Variants in CACNA1D observed in about 807,000 individuals in gnomAD.
CACNA1D encodes the protein voltage-dependent L-type calcium channel subunit alpha-1D.
Under a neutral mutation model 257.1 loss-of-function variants are expected in CACNA1D, and 55 were observed. The ratio of observed to expected loss-of-function variants is 0.21; its 90% CI spans 0.17 to 0.27. The LOEUF (loss-of-function observed/expected upper bound fraction) is 0.27. Ranked by LOEUF, CACNA1D falls within the 10% of genes least tolerant of loss-of-function variation. CACNA1D has a pLI of 1.00. For missense variants in CACNA1D, 1,876 were observed against 2,784.0 expected (o/e 0.67, Z 7.34); for synonymous variants, 980 against 1,014.9 (o/e 0.97, Z 0.65).
intron 3 of CACNA1D, among the ~76,000 whole-genome samples, chr3:53,565,990 T>C (rs1448369909): frequency 6.6e-6 from 1 of 152,182 alleles, no homozygotes; most frequent in African/African-American, 2.4e-5. Context: ...CTGTAGAAAG[T>C]ATTACTTATA....
intron 3 of CACNA1D, among the ~76,000 whole-genome samples, chr3:53,536,073 T>C (rs2092106890): frequency 6.6e-6 from 1 of 152,196 alleles, no homozygotes; most frequent in Non-Finnish European, 1.5e-5. Flanking sequence ...ATGTATATGG[T>C]TGGACCTAAG....
At chr3:53,499,763 A>G (rs2090511239) in intron 2 of CACNA1D, among the ~76,000 whole-genome samples, 1 of 152,224 alleles carries the variant, frequency 6.6e-6, no homozygotes, top group African/African-American at 2.4e-5. Context: ...TGGGAAATTG[A>G]AAATGAAGAA....
chr3:53,533,759 G>T (rs1053402284), intron 3 of CACNA1D, among the ~76,000 whole-genome samples: 9 of 152,172 alleles, frequency 5.9e-5, no homozygotes, highest in African/African-American at 1.7e-4. Flanking sequence ...TAGATTTTGG[G>T]CATAGTTACT....
intron 3 of CACNA1D, among the ~76,000 whole-genome samples, chr3:53,590,509 C>T (rs1345735600): frequency 6.6e-6 from 1 of 152,244 alleles, no homozygotes; most frequent in African/African-American, 2.4e-5. Flanking sequence ...ATTGCCTTGG[C>T]ATCCAAATGC....
chr3:53,747,244 C>T (rs574555057), intron 25 of CACNA1D, 58 bp from the exon 26 acceptor site: 52 of 1,525,294 alleles, frequency 3.4e-5, no homozygotes, highest in African/African-American at 1.9e-4. Flanking sequence ...TCCAACTTTA[C>T]GCTGCTTCCA....
At chr3:53,792,360 G>A (rs989780179) in intron 40 of CACNA1D, 3 of 152,188 alleles carry the variant, frequency 2.0e-5, no homozygotes, top group African/African-American at 7.2e-5. Context: ...CACCCAAAGT[G>A]GCCAGTTTGG....
rs2095225868 is a variant in CACNA1D, at chr3:53,751,510, A to C, written c.3517-239A>C. On this transcript the variant is annotated intron_variant, in intron 27 of 47. Coordinates refer to ENST00000350061, the MANE Select transcript of CACNA1D (RefSeq NM_001128840.3). This position sits in a 1 kb window ranked among gnomAD's most constrained non-coding sequence, Gnocchi z 4.3. ...TAAGCAAAATGGAAGCCACATGGGTAGGCACCCAGCTTACCCGGAGCTTGC... is the reference window on the plus strand; with the variant it reads ...TAAGCAAAATGGAAGCCACATGGGTCGGCACCCAGCTTACCCGGAGCTTGC... Among the ~76,000 whole-genome samples, 1 of 152,222 alleles carries C rather than the reference A, an allele frequency of 6.6e-6. No individual in the cohort carries two copies. Among genetic ancestry groups the C allele is most frequent in the Non-Finnish European group, 1.5e-5 (1 of 68,044 alleles).
At chr3:53,805,679 C>T (rs1007426829) in intron 45 of CACNA1D, among the ~76,000 whole-genome samples, 1 of 151,970 alleles carries the variant, frequency 6.6e-6, no homozygotes, top group African/African-American at 2.4e-5. Context: ...ATCCTCCTCC[C>T]TCATCTCTGC....
intron 47 of CACNA1D, chr3:53,810,590 T>C (rs2095592418): frequency 2.3e-6 from 1 of 435,070 alleles, no homozygotes; most frequent in South Asian, 2.1e-5. Flanking sequence ...AAACCCCGTC[T>C]CTACTAAAAA....
At chr3:53,555,460 GTTTTTTT>G (rs372133749) in intron 3 of CACNA1D, among the ~76,000 whole-genome samples, 2 of 78,380 alleles carry the variant, frequency 2.6e-5, no homozygotes, top group African/African-American at 5.6e-5. Context: ...GTGTGTGTGT[GTTTTTTT>G]TTTTTTTTTT....
chr3:53,510,155 A>G (rs2091047838), intron 3 of CACNA1D, among the ~76,000 whole-genome samples: 2 of 152,270 alleles, frequency 1.3e-5, no homozygotes, highest in African/African-American at 4.8e-5. Flanking sequence ...CAATACAGAT[A>G]AAGTAACAAA....
At chr3:53,735,099 A>G (rs2095044595) in intron 19 of CACNA1D, among the ~76,000 whole-genome samples, 1 of 152,238 alleles carries the variant, frequency 6.6e-6, no homozygotes, top group Non-Finnish European at 1.5e-5. Flanking sequence ...ATCTTGAGGA[A>G]GACAACAAGC....
In CACNA1D at chr3:53,566,637, G is replaced by A. The variant is rs115768138; in HGVS notation, c.483+64917G>A. ...GTTTCTTCCACACATGTGCCACAGC[G>A]TGGCACATGGGAGCCGCTTGAGAGC... On this transcript the variant is annotated intron_variant, in intron 3 of 47. Transcript: ENST00000350061. Among the ~76,000 whole-genome samples the A allele has an allele frequency of 5.3e-3, 803 of 152,214 alleles. 4 individuals are homozygous for A. Among genetic ancestry groups the A allele is most frequent in the African/African-American group, 0.017 (705 of 41,536 alleles).
At position 53,797,814 on chromosome 3, in the gene CACNA1D, T is replaced by C. The variant is rs890396531; in HGVS notation, c.4924-2435T>C. The C allele has an allele frequency of 3.9e-5, 6 of 152,370 alleles. No individual in the cohort carries two copies. In the East Asian group the frequency reaches 1.2e-3, roughly 29 times the overall value. The allele number at this position is 152,370 out of a possible 1,614,324, so 9.4% of individuals were successfully genotyped here. Reference sequence around the variant, plus strand: ...CCTAGTCCAATCAGTTGAATGACAGTAAATAGGATTATATGTTGTTTAAAC... The same window carrying C: ...CCTAGTCCAATCAGTTGAATGACAGCAAATAGGATTATATGTTGTTTAAAC... On this transcript the variant is annotated intron_variant, in intron 40 of 47. Transcript: ENST00000350061.
chr3:53,681,478 A>T (rs772189931), intron 8 of CACNA1D, among the ~76,000 whole-genome samples: 105 of 151,818 alleles, frequency 6.9e-4, no homozygotes, highest in Non-Finnish European at 1.2e-3. Context: ...CATTTAATGA[A>T]TTTTTTTTCA....
At chr3:53,742,081 C>T (rs922153458) in intron 21 of CACNA1D, among the ~76,000 whole-genome samples, 1 of 152,014 alleles carries the variant, frequency 6.6e-6, no homozygotes, top group Non-Finnish European at 1.5e-5. Flanking sequence ...ATATCTGAGA[C>T]GATGGTTCCT....
intron 3 of CACNA1D, among the ~76,000 whole-genome samples, chr3:53,603,019 T>C (rs1450016549): frequency 2.0e-5 from 3 of 152,194 alleles, no homozygotes; most frequent in African/African-American, 7.2e-5. Context: ...CGTCACAGGA[T>C]GTTGTCATAT....
intron 19 of CACNA1D, among the ~76,000 whole-genome samples, chr3:53,734,211 C>T (rs777168088): frequency 2.7e-5 from 4 of 150,810 alleles, no homozygotes; most frequent in East Asian, 1.9e-4. Context: ...AGTGAGGGGT[C>T]GCCTTACATA....
At chr3:53,676,739 T>C (rs2094380829) in intron 8 of CACNA1D, among the ~76,000 whole-genome samples, 1 of 152,244 alleles carries the variant, frequency 6.6e-6, no homozygotes, top group Non-Finnish European at 1.5e-5. Flanking sequence ...GGATTTGGTG[T>C]TTATTTGTAA....
Sources: gnomAD v4.1 joint callset for allele counts (sites outside exome capture counted in the v4.1 genomes callset) on GRCh38, gnomAD v4.1.1 for gene constraint, Gnocchi (gnomAD v3.1) non-coding constraint, MANE v1.5 for transcripts, NCBI Gene and HGNC (gene_info 2026-07-23, HGNC 2026-07-21) for gene names.